Variants in ACYP2 observed in about 807,000 individuals in gnomAD.
ACYP2 encodes acylphosphatase 2, also known as acylphosphatase-2.
Under a neutral mutation model 11.2 loss-of-function variants are expected in ACYP2, and 12 were observed. The ratio of observed to expected loss-of-function variants is 1.08; its 90% confidence interval spans 0.69 to 1.74. The LOEUF is 1.74. Ranked by LOEUF, ACYP2 falls within the 40% of genes most tolerant of loss-of-function variation. ACYP2 has a pLI of 0.00. For missense variants in ACYP2, 134 were observed against 101.9 expected, an observed-to-expected ratio of 1.31 and a Z score of -1.35; for synonymous variants, 43 against 32.2, an observed-to-expected ratio of 1.33 and a Z score of -1.13.
intron 6 of ACYP2, among the ~76,000 whole-genome samples, chr2:54,143,995 C>T (rs574831504): frequency 2.6e-5 from 4 of 151,958 alleles, no homozygotes; most frequent in South Asian, 4.2e-4. Context: ...TTTGAGAAAA[C>T]GTTTTGCTCT....
intron 6 of ACYP2, among the ~76,000 whole-genome samples, chr2:54,283,409 T>C (rs984001372): frequency 2.0e-5 from 3 of 152,204 alleles, no homozygotes; most frequent in African/African-American, 7.2e-5. Context: ...CTAGCTTTCA[T>C]TGCATGCTTT....
intron 6 of ACYP2, among the ~76,000 whole-genome samples, chr2:54,232,025 C>G (rs1264459571): frequency 6.6e-6 from 1 of 152,166 alleles, no homozygotes; most frequent in Non-Finnish European, 1.5e-5. Flanking sequence ...CTTATTCTAG[C>G]CATTGCTTTG....
intron 4 of ACYP2, among the ~76,000 whole-genome samples, chr2:54,085,290 T>C: frequency 6.6e-6 from 1 of 152,080 alleles, no homozygotes; most frequent in East Asian, 1.9e-4. Flanking sequence ...TGTGAGTGAG[T>C]GGGTGCTTGT....
At chr2:54,233,860 T>G (rs1558631850) in intron 6 of ACYP2, among the ~76,000 whole-genome samples, 1 of 152,180 alleles carries the variant, frequency 6.6e-6, no homozygotes, top group Non-Finnish European at 1.5e-5. Context: ...AAATATAAAC[T>G]TTATTTTTCA....
At chr2:54,250,048 T>C (rs1687144586) in intron 6 of ACYP2, among the ~76,000 whole-genome samples, 1 of 151,898 alleles carries the variant, frequency 6.6e-6, no homozygotes, top group African/African-American at 2.4e-5. Flanking sequence ...ACCCCTGACA[T>C]GTAGCTCAGT....
In ACYP2 at chr2:54,096,996, C is replaced by T. The variant is rs1200119528; in HGVS notation, c.278-38457C>T. Among the ~76,000 whole-genome samples, 3 of 152,180 alleles carry T rather than the reference C, an allele frequency of 2.0e-5. No individual in the cohort carries two copies. The East Asian group carries it at 5.8e-4, about 29-fold the overall frequency. On this transcript the variant is annotated intron_variant, in intron 4 of 6. Transcript: ENST00000607452. ...AAGTGCTAGCCTTACAGGCATGAGC[C>T]CCCACATCCAGCCTGAAATATTTTA...
At chr2:54,030,367 A>G (rs1234050158) in intron 2 of ACYP2, among the ~76,000 whole-genome samples, 1 of 152,218 alleles carries the variant, frequency 6.6e-6, no homozygotes, top group Non-Finnish European at 1.5e-5. Flanking sequence ...GGTTTGCTCC[A>G]GGTTAGGGAG....
chr2:54,085,879 AT>A (rs1192670884), intron 4 of ACYP2, among the ~76,000 whole-genome samples: 1 of 152,258 alleles, frequency 6.6e-6, no homozygotes, highest in East Asian at 1.9e-4. Context: ...AAATATGTAT[AT>A]ATATATATAA....
intron 4 of ACYP2, among the ~76,000 whole-genome samples, chr2:54,119,679 T>C (rs1680031461): frequency 6.6e-6 from 1 of 152,206 alleles, no homozygotes; most frequent in African/African-American, 2.4e-5. Context: ...GCAGAAAACG[T>C]TTTCCAACCA....
At chr2:54,090,458 G>A (rs781003869) in intron 4 of ACYP2, among the ~76,000 whole-genome samples, 49 of 152,150 alleles carry the variant, frequency 3.2e-4, no homozygotes, top group African/African-American at 8.9e-4. Flanking sequence ...GTGAACCCCC[G>A]TTTCTACTAA....
At chr2:54,261,155 A>C (rs1687759403) in intron 6 of ACYP2, among the ~76,000 whole-genome samples, 1 of 152,188 alleles carries the variant, frequency 6.6e-6, no homozygotes, top group Admixed American at 6.5e-5. Flanking sequence ...GTGAGTAGTG[A>C]TATTATTCTT....
intron 2 of ACYP2, among the ~76,000 whole-genome samples, chr2:54,037,204 C>T (rs752721453): frequency 1.2e-4 from 18 of 151,878 alleles, no homozygotes; most frequent in Middle Eastern, 3.4e-3. Flanking sequence ...CCTCTGCCTC[C>T]CAGGCTCAAG....
intron 4 of ACYP2, chr2:54,065,577 G>A (rs1676702758): frequency 2.5e-6 from 1 of 398,504 alleles, no homozygotes; most frequent in East Asian, 3.6e-5. Flanking sequence ...TTCATCTGCA[G>A]TGCTTGATTC....
At chr2:54,161,963 A>T (rs1014466325) in intron 6 of ACYP2, among the ~76,000 whole-genome samples, 6 of 152,158 alleles carry the variant, frequency 3.9e-5, no homozygotes, top group African/African-American at 1.4e-4. Context: ...TTTTAAAAAC[A>T]TTAAAAATTT....
intron 5 of ACYP2, 67 bp downstream of exon 2, chr2:54,135,536 G>C (rs1572835722): frequency 6.9e-7 from 1 of 1,448,274 alleles, no homozygotes; most frequent in South Asian, 1.2e-5. Flanking sequence ...TACAGAGATA[G>C]GGCAGTTTTC....
intron 6 of ACYP2, among the ~76,000 whole-genome samples, chr2:54,141,375 T>G (rs1327301596): frequency 6.6e-6 from 1 of 152,224 alleles, no homozygotes; most frequent in Non-Finnish European, 1.5e-5. Flanking sequence ...GGTTTTCTTC[T>G]AACTTGATGC....
intron 3 of ACYP2, among the ~76,000 whole-genome samples, chr2:54,057,002 C>G (rs1676187826): frequency 6.6e-6 from 1 of 152,088 alleles, no homozygotes; most frequent in South Asian, 2.1e-4. Flanking sequence ...AACATTAATT[C>G]CATTTGCAAA....
chr2:54,013,857 G>C lies in ACYP2; in HGVS notation c.63-37101G>C, dbSNP rs182405519. On this transcript the variant is annotated intron_variant, in intron 2 of 6. Transcript: ENST00000607452. ...TAACAATTTGTGGTTACAATGGAAGGCTTAAGAAACTCAGTGGAGGCTGGG... is the reference window on the plus strand; with the variant it reads ...TAACAATTTGTGGTTACAATGGAAGCCTTAAGAAACTCAGTGGAGGCTGGG... Among the ~76,000 whole-genome samples, 685 of 152,112 alleles carry C rather than the reference G, an allele frequency of 4.5e-3. 12 individuals carry two copies. The highest frequency in any genetic ancestry group is 0.016 in the African/African-American group (665 of 41,516).
At chr2:54,291,324 G>A (rs552677895) in intron 6 of ACYP2, among the ~76,000 whole-genome samples, 3 of 152,256 alleles carry the variant, frequency 2.0e-5, no homozygotes, top group African/African-American at 7.2e-5. Context: ...TGCTGTTCTA[G>A]TGCTGAGAAC....
Sources: gnomAD v4.1 joint callset for allele counts (sites outside exome capture counted in the v4.1 genomes callset) on GRCh38, gnomAD v4.1.1 for gene constraint, MANE v1.5 for transcripts, NCBI Gene and HGNC (gene_info 2026-07-23, HGNC 2026-07-21) for gene names.